Variants in SLF1 observed in about 807,000 individuals in gnomAD.
SLF1 encodes the protein SMC5-SMC6 complex localization factor protein 1.
In SLF1, 105 loss-of-function variants were observed where a neutral mutation model predicts 123.0. That is an observed-to-expected ratio of 0.85 (90% confidence interval 0.73 to 1.00). The LOEUF is 1.00. Among genes scored for constraint, SLF1 ranks in the 50% least tolerant of loss-of-function variants. The pLI is 0.00. For synonymous variants in SLF1, 434 were observed against 406.6 expected (o/e 1.07, Z -0.81); for missense variants, 1,239 against 1,223.0 (o/e 1.01, Z -0.20).
chr5:94,662,276 T>A (rs1265723395), intron 9 of SLF1, 22 bp from the exon 10 acceptor site: 1 of 1,532,968 alleles, frequency 6.5e-7, no homozygotes, highest in East Asian at 2.5e-5. Context: ...GTTGTTTTAA[T>A]TATATGGTTG....
chr5:94,652,887 C>CA (rs1281945392), intron 7 of SLF1, among the ~76,000 whole-genome samples: 3 of 152,112 alleles, frequency 2.0e-5, no homozygotes, highest in Non-Finnish European at 4.4e-5. Context: ...GATGGAGTTT[C>CA]ACTCTAGTTG....
At chr5:94,649,951 G>A (rs999670573) in intron 6 of SLF1, among the ~76,000 whole-genome samples, 6 of 152,086 alleles carry the variant, frequency 3.9e-5, no homozygotes, top group African/African-American at 1.4e-4. Flanking sequence ...TATAATTCAT[G>A]TAAATTCAAG....
chr5:94,669,672 A>T (rs1750215973), intron 12 of SLF1, among the ~76,000 whole-genome samples: 1 of 148,530 alleles, frequency 6.7e-6, no homozygotes, highest in Non-Finnish European at 1.5e-5. Flanking sequence ...TAGAAGACAG[A>T]AAGAAAATAA....
At chr5:94,688,804 A>G (rs1269688080) in intron 17 of SLF1, 135 bp downstream of exon 17, 18 of 937,536 alleles carry the variant, frequency 1.9e-5, no homozygotes, top group East Asian at 2.8e-5. Context: ...TTTTAGATCT[A>G]TTTGATCAAC....
intron 4 of SLF1, among the ~76,000 whole-genome samples, chr5:94,632,203 C>G (rs567210244): frequency 1.3e-5 from 2 of 152,036 alleles, no homozygotes; most frequent in Admixed American, 1.3e-4. Context: ...ATCAATTGAC[C>G]ATGTATGTGT....
intron 4 of SLF1, among the ~76,000 whole-genome samples, chr5:94,636,435 G>T (rs1286793072): frequency 1.3e-5 from 2 of 151,926 alleles, no homozygotes; most frequent in East Asian, 3.9e-4. Flanking sequence ...AATTCCCATA[G>T]GCTTTCTTCA....
At chr5:94,622,729 T>G (rs1791908037) in intron 1 of SLF1, among the ~76,000 whole-genome samples, 1 of 152,096 alleles carries the variant, frequency 6.6e-6, no homozygotes, top group African/African-American at 2.4e-5. Context: ...AATATAAATA[T>G]ATAAATCAAA....
chr5:94,684,926 T>C (rs1295090693), intron 15 of SLF1, among the ~76,000 whole-genome samples: 2 of 152,322 alleles, frequency 1.3e-5, no homozygotes, highest in East Asian at 3.9e-4. Context: ...ACTGATTATG[T>C]TTTGGGCTGG....
At chr5:94,692,426 A>G (rs1032190315) in intron 20 of SLF1, among the ~76,000 whole-genome samples, 170 bp downstream of exon 20, 5 of 152,168 alleles carry the variant, frequency 3.3e-5, no homozygotes, top group Non-Finnish European at 7.3e-5. Flanking sequence ...ACCTTTTATT[A>G]TTAGAGATAA....
At chr5:94,674,331 G>T (rs1004686353) in intron 14 of SLF1, among the ~76,000 whole-genome samples, 2 of 152,128 alleles carry the variant, frequency 1.3e-5, no homozygotes, top group East Asian at 1.9e-4. Flanking sequence ...TTAACTTGAA[G>T]ATTTTTGTTC....
chr5:94,632,788 C>T (rs1420678537), intron 4 of SLF1, among the ~76,000 whole-genome samples: 1 of 151,946 alleles, frequency 6.6e-6, no homozygotes, highest in Non-Finnish European at 1.5e-5. Context: ...GGAAGCTCCG[C>T]CTCCCGGGTT....
chr5:94,678,754 C>T (rs1751403721), intron 14 of SLF1, 54 bp from the exon 15 acceptor site: 1 of 1,460,122 alleles, frequency 6.8e-7, no homozygotes, highest in Non-Finnish European at 9.4e-7. Flanking sequence ...TAAATACTAA[C>T]AGAAATTCAA....
At chr5:94,673,294 C>T (rs965288406) in intron 14 of SLF1, among the ~76,000 whole-genome samples, 6 of 152,132 alleles carry the variant, frequency 3.9e-5, no homozygotes, top group African/African-American at 1.2e-4. Flanking sequence ...TTTGGCCTAG[C>T]ACTTCCTCAT....
At position 94,638,098 on chromosome 5, in the gene SLF1, A is replaced by G. The variant is rs910811547; in HGVS notation, c.432-5175A>G. 3.9e-5 allele frequency among the ~76,000 whole-genome samples: 6 copies of G among 151,996 alleles called. No individual in the cohort carries two copies. The South Asian group carries it at 1.2e-3, about 32-fold the overall frequency. On this transcript the variant is annotated intron_variant, in intron 4 of 20. Transcript: ENST00000265140. The stretch of plus-strand genomic sequence containing the variant: ...CCTCTGATTTGGTGCCATTGATGGC[A>G]GGTATGTTGCGCTACCACCAAGATT...
chr5:94,682,846 C>G (rs1035968046), intron 15 of SLF1, among the ~76,000 whole-genome samples: 1 of 152,174 alleles, frequency 6.6e-6, no homozygotes, highest in Non-Finnish European at 1.5e-5. Context: ...TAACAAAATT[C>G]GTTCAATGTT....
At chr5:94,672,212 A>G (rs1470903807) in intron 14 of SLF1, among the ~76,000 whole-genome samples, 1 of 152,134 alleles carries the variant, frequency 6.6e-6, no homozygotes, top group Admixed American at 6.5e-5. Flanking sequence ...TATAACTGCT[A>G]GTTAGGTAAT....
rs141186924 is a variant in SLF1, at chr5:94,647,656, A to T, written c.595-1798A>T. ...CACCTAACCCATTGCCTAGTACGTA[A>T]GTTGACACTAAGATACTTATAAGGA... On this transcript the variant is annotated intron_variant, in intron 5 of 20. Transcript: ENST00000265140. Among the ~76,000 whole-genome samples, 450 of 152,338 alleles carry T rather than the reference A, an allele frequency of 3.0e-3. 4 individuals carry two copies. Among genetic ancestry groups the T allele is most frequent in the African/African-American group, 9.8e-3 (408 of 41,580 alleles).
At chr5:94,681,101 T>C (rs1298404183) in intron 15 of SLF1, among the ~76,000 whole-genome samples, 3 of 152,182 alleles carry the variant, frequency 2.0e-5, no homozygotes, top group African/African-American at 7.2e-5. Context: ...CGGTTATAGC[T>C]AGGCAGTTTA....
chr5:94,623,145 GA>G (rs1287897221), intron 1 of SLF1, among the ~76,000 whole-genome samples: 1 of 152,144 alleles, frequency 6.6e-6, no homozygotes, highest in Non-Finnish European at 1.5e-5. Context: ...TAATTAAGAT[GA>G]AGAGTTCTAT....
Sources: allele counts gnomAD v4.1 joint callset (sites outside exome capture counted in the v4.1 genomes callset), GRCh38; gene constraint gnomAD v4.1.1; transcripts MANE v1.5; gene names NCBI Gene and HGNC (gene_info 2026-07-23, HGNC 2026-07-21).